The following CSRNP3 variants were observed in gnomAD, a reference collection of about 807,000 sequenced individuals.
CSRNP3 encodes the protein cysteine and serine rich nuclear protein 3, also known as cysteine/serine-rich nuclear protein 3.
CSRNP3 carries 12 observed loss-of-function variants against 48.0 expected under a neutral mutation model. The ratio of observed to expected loss-of-function variants is 0.25; its 90% CI spans 0.16 to 0.41. CSRNP3 has a LOEUF of 0.41. Among genes scored for constraint, CSRNP3 ranks in the 10% least tolerant of loss-of-function variants. The pLI is 1.00. For synonymous variants in CSRNP3, 263 were observed against 269.7 expected (o/e 0.98, Z 0.24); for missense variants, 580 against 724.4 (o/e 0.80, Z 2.29).
chr2:165,541,261 C>A (rs866213683), intron 3 of CSRNP3, among the ~76,000 whole-genome samples: 1 of 150,916 alleles, frequency 6.6e-6, no homozygotes. Context: ...CTTCCAGGTT[C>A]TTTTTTAATT....
intron 3 of CSRNP3, among the ~76,000 whole-genome samples, chr2:165,591,785 G>A (rs1685721692): frequency 6.6e-6 from 1 of 152,216 alleles, no homozygotes; most frequent in East Asian, 1.9e-4. Context: ...GGGTTCGCAG[G>A]ATGTATGGAA....
chr2:165,551,374 A>C (rs893229049), intron 3 of CSRNP3, among the ~76,000 whole-genome samples: 1 of 152,198 alleles, frequency 6.6e-6, no homozygotes, highest in African/African-American at 2.4e-5. Flanking sequence ...AAAATCTTTT[A>C]GTCTCCCTCT....
chr2:165,558,698 A>C (rs1178608340), intron 3 of CSRNP3, among the ~76,000 whole-genome samples: 1 of 152,208 alleles, frequency 6.6e-6, no homozygotes, highest in Admixed American at 6.5e-5. Context: ...ATAATTACAA[A>C]TTAAAAAAAT....
intron 4 of CSRNP3, among the ~76,000 whole-genome samples, chr2:165,625,144 CA>C (rs1225388326): frequency 6.6e-6 from 1 of 152,124 alleles, no homozygotes; most frequent in African/African-American, 2.4e-5. Context: ...TCCTCATCTG[CA>C]AAATGGGACC....
At chr2:165,615,422 A>G (rs1212961772) in intron 4 of CSRNP3, among the ~76,000 whole-genome samples, 1 of 151,992 alleles carries the variant, frequency 6.6e-6, no homozygotes, top group African/African-American at 2.4e-5. Flanking sequence ...GGGTGCTTGT[A>G]GTCTCAGATA....
intron 3 of CSRNP3, among the ~76,000 whole-genome samples, chr2:165,535,872 C>T (rs1684874953): frequency 6.6e-6 from 1 of 151,762 alleles, no homozygotes; most frequent in Non-Finnish European, 1.5e-5. Flanking sequence ...TATAGTTACA[C>T]TGTTGATTTA....
At chr2:165,665,775 A>AGAGAG (rs1687171026) in intron 5 of CSRNP3, among the ~76,000 whole-genome samples, 2 of 131,196 alleles carry the variant, frequency 1.5e-5, no homozygotes, top group African/African-American at 6.3e-5. Context: ...AAAAGAAAGA[A>AGAGAG]AGAGAGAGAG....
chr2:165,504,470 C>G (rs550429083), intron 2 of CSRNP3, among the ~76,000 whole-genome samples: 1 of 152,126 alleles, frequency 6.6e-6, no homozygotes, highest in African/African-American at 2.4e-5. Flanking sequence ...GGCTCAAACT[C>G]CAGTGCCCGC....
At chr2:165,479,694 G>T (rs1333491313) in intron 1 of CSRNP3, among the ~76,000 whole-genome samples, 1 of 151,992 alleles carries the variant, frequency 6.6e-6, no homozygotes, top group African/African-American at 2.4e-5. Context: ...AGATGCGCCT[G>T]GGCAACATAG....
At chr2:165,651,539 T>C (rs1373467822) in intron 4 of CSRNP3, among the ~76,000 whole-genome samples, 1 of 152,058 alleles carries the variant, frequency 6.6e-6, no homozygotes, top group African/African-American at 2.4e-5. Flanking sequence ...AATCTGTTCT[T>C]TTCACGAGTT....
chr2:165,522,234 G>T (rs1319803026), intron 3 of CSRNP3, among the ~76,000 whole-genome samples: 1 of 152,118 alleles, frequency 6.6e-6, no homozygotes. Context: ...GGAGGTTGTG[G>T]TGAGCTGAGA....
chr2:165,590,244 C>A (rs1432182885), intron 3 of CSRNP3, among the ~76,000 whole-genome samples: 5 of 152,132 alleles, frequency 3.3e-5, no homozygotes, highest in Admixed American at 3.3e-4. Flanking sequence ...GATGTATCTT[C>A]CTATTGCTGT....
At chr2:165,520,783 T>TTATATACATATATATATATATTATATACA (rs1553472387) in intron 3 of CSRNP3, among the ~76,000 whole-genome samples, 45 of 29,684 alleles carry the variant, frequency 1.5e-3, no homozygotes, top group African/African-American at 0.012. Flanking sequence ...TATATATATA[T>TTATATACATATATATATATATTATATACA]TATATATATA....
intron 4 of CSRNP3, among the ~76,000 whole-genome samples, chr2:165,610,397 A>G (rs1033218505): frequency 1.3e-5 from 2 of 152,210 alleles, no homozygotes; most frequent in Admixed American, 1.3e-4. Context: ...AAATGAGATA[A>G]GCTCTACAAA....
At chr2:165,471,304 G>T (rs1019707452) in intron 1 of CSRNP3, among the ~76,000 whole-genome samples, 4 of 151,736 alleles carry the variant, frequency 2.6e-5, no homozygotes, top group Admixed American at 2.0e-4. Flanking sequence ...ATTATTGATG[G>T]ATCTTTCCGA....
At chr2:165,579,880 G>A (rs1317726498) in intron 3 of CSRNP3, among the ~76,000 whole-genome samples, 1 of 147,300 alleles carries the variant, frequency 6.8e-6, no homozygotes, top group African/African-American at 2.5e-5. Context: ...ATATACATTA[G>A]TAACCAGTTC....
intron 4 of CSRNP3, among the ~76,000 whole-genome samples, chr2:165,607,571 A>G (rs1251009561): frequency 6.6e-6 from 1 of 152,196 alleles, no homozygotes; most frequent in African/African-American, 2.4e-5. Flanking sequence ...GTCACACTGT[A>G]TATACAGTTA....
At chr2:165,621,491 G>A (rs1373001970) in intron 4 of CSRNP3, among the ~76,000 whole-genome samples, 1 of 152,102 alleles carries the variant, frequency 6.6e-6, no homozygotes, top group East Asian at 1.9e-4. Flanking sequence ...ATGATTTCCA[G>A]TGGAGCATAG....
chr2:165,473,568 A>T (rs1683921085), intron 1 of CSRNP3, among the ~76,000 whole-genome samples: 3 of 152,176 alleles, frequency 2.0e-5, no homozygotes, highest in Admixed American at 1.3e-4. Context: ...GTTATTTTTG[A>T]CTAATATATT....
Sources: gnomAD v4.1 joint callset for allele counts (sites outside exome capture counted in the v4.1 genomes callset) on GRCh38, gnomAD v4.1.1 for gene constraint, MANE v1.5 for transcripts, NCBI Gene and HGNC (gene_info 2026-07-23, HGNC 2026-07-21) for gene names.